Variants in SYTL2 observed in about 807,000 individuals in gnomAD.
SYTL2 encodes the protein synaptotagmin like 2, also known as synaptotagmin-like protein 2.
SYTL2 carries 165 observed loss-of-function variants against 198.7 expected under a neutral mutation model. That is an observed-to-expected ratio of 0.83 (90% confidence interval 0.73 to 0.94). SYTL2 has a LOEUF of 0.94. SYTL2 is among the 40% of genes least tolerant of loss of function. The probability of loss-of-function intolerance (pLI) is 0.00; values close to 1 mark genes in which losing one functional copy is unlikely to be tolerated. For missense variants in SYTL2, 2,835 were observed against 2,582.8 expected (o/e 1.10, Z -2.12); for synonymous variants, 966 against 917.7 (o/e 1.05, Z -0.95).
rs764030746 is a variant in SYTL2 at position 85,696,292 on chromosome 11, A to C, written c.6465T>G (p.Asp2155Glu). Residue 2155 changes from aspartate (D) to glutamate (E), a missense_variant, in exon 19 of 20, where the codon GAT (aspartate) becomes GAG (glutamate). Physicochemically the swap from Asp to Glu is conservative, Grantham distance 45. Around this residue, in one of 3 missense-constraint regions of SYTL2, gnomAD observed 185 missense variants for 182.1 expected, o/e 1.02. Coordinates refer to ENST00000359152, the MANE Select transcript of SYTL2 (RefSeq NM_206927.4). ...NPIFNHTMVY[D>E]GFRPEDLMEA... ...CCATCAGATCTTCAGGCCTGAACCC[A>C]TCATACACCATAGTGTGGTTGAAGA... is the stretch of plus-strand genomic sequence containing the variant. The C allele has an allele frequency of 6.2e-7, 1 of 1,614,044 alleles. No homozygotes were observed. The highest frequency in any genetic ancestry group is 8.5e-7 in the Non-Finnish European group (1 of 1,179,928).
chr11:85,791,319 C>T (rs2092728084), intron 1 of SYTL2, among the ~76,000 whole-genome samples: 1 of 152,092 alleles, frequency 6.6e-6, no homozygotes, highest in Non-Finnish European at 1.5e-5. Flanking sequence ...AGCCCTCACT[C>T]AGCTTTGCTG....
chr11:85,836,164 A>G, the SYTL2 span, among the ~76,000 whole-genome samples: 1 of 152,200 alleles, frequency 6.6e-6, no homozygotes, highest in African/African-American at 2.4e-5. Flanking sequence ...TGGTATTGGT[A>G]CCACTTTAAG....
intron 1 of SYTL2, among the ~76,000 whole-genome samples, chr11:85,795,098 G>A (rs948324833): frequency 6.6e-6 from 1 of 152,108 alleles, no homozygotes; most frequent in African/African-American, 2.4e-5. Flanking sequence ...AGGATTACAT[G>A]CACTTGTATG....
At chr11:85,793,327 G>C (rs999340420) in intron 1 of SYTL2, among the ~76,000 whole-genome samples, 1 of 152,134 alleles carries the variant, frequency 6.6e-6, no homozygotes, top group African/African-American at 2.4e-5. Context: ...CATTCTAACT[G>C]GTGTGAGATG....
the SYTL2 span, among the ~76,000 whole-genome samples, chr11:85,826,679 G>T: frequency 5.3e-5 from 8 of 152,228 alleles, no homozygotes; most frequent in Non-Finnish European, 1.0e-4. Context: ...GTCAGAGAGA[G>T]AGCTCTCACT....
At chr11:85,720,739 G>T in intron 9 of SYTL2, 119 bp downstream of exon 9, 1 of 647,824 alleles carries the variant, frequency 1.5e-6, no homozygotes. Context: ...ATTTTCATCT[G>T]TTAACTGCCC....
At chr11:85,768,120 C>A (rs1411611068) in intron 1 of SYTL2, among the ~76,000 whole-genome samples, 2 of 152,196 alleles carry the variant, frequency 1.3e-5, no homozygotes, top group African/African-American at 4.8e-5. Context: ...ACTTCACCTG[C>A]CTCAGCCTAG....
chr11:85,853,270 G>A, the SYTL2 span: 5 of 435,628 alleles, frequency 1.1e-5, no homozygotes, highest in Admixed American at 2.5e-5. Context: ...GCCGTGTCTT[G>A]AGTAGAAAAA....
chr11:85,752,073 C>T (rs1289756753), intron 2 of SYTL2, among the ~76,000 whole-genome samples: 2 of 152,180 alleles, frequency 1.3e-5, no homozygotes, highest in African/African-American at 2.4e-5. Flanking sequence ...TCCTTGTGCT[C>T]ACTTATGTAC....
chr11:85,695,386 G>T (rs766557151), intron 19 of SYTL2, 46 bp from the exon 20 acceptor site: 2 of 1,479,270 alleles, frequency 1.4e-6, no homozygotes, highest in Non-Finnish European at 1.8e-6. Flanking sequence ...GCTCATTGGG[G>T]GTAGGGGAAA....
chr11:85,770,336 C>T (rs1201491114), intron 1 of SYTL2, among the ~76,000 whole-genome samples: 1 of 152,140 alleles, frequency 6.6e-6, no homozygotes, highest in Non-Finnish European at 1.5e-5. Context: ...CCTTGTCTAC[C>T]ACTCATGTAG....
intron 15 of SYTL2, among the ~76,000 whole-genome samples, chr11:85,706,455 C>T (rs1463694567): frequency 6.6e-6 from 1 of 152,180 alleles, no homozygotes. Context: ...ATTACTGAGG[C>T]AGCAGACAGC....
rs1030133619 is a variant in SYTL2 at position 85,769,016 on chromosome 11, A to C, written c.-389-10902T>G. On this transcript the variant is annotated intron_variant, in intron 1 of 19. Coordinates refer to ENST00000359152, the MANE Select transcript of SYTL2 (RefSeq NM_206927.4). ...GGCGCCTCATTTATTGAGTAAATGA[A>C]GAAGAGGAAAAAAAAGATCATTAAG... Among the ~76,000 whole-genome samples, 4 of 152,214 alleles carry C rather than the reference A, an allele frequency of 2.6e-5. No individual in the cohort carries two copies. In the South Asian group the frequency reaches 8.3e-4, roughly 32 times the overall value.
At chr11:85,738,355 T>A (rs1471701170) in intron 4 of SYTL2, among the ~76,000 whole-genome samples, 1 of 152,182 alleles carries the variant, frequency 6.6e-6, no homozygotes, top group Non-Finnish European at 1.5e-5. Flanking sequence ...CTTCCTTTCA[T>A]TGTTCCAGAA....
chr11:85,718,527 T>TA, intron 10 of SYTL2: 1 of 432,384 alleles, frequency 2.3e-6, no homozygotes, highest in Non-Finnish European at 4.1e-6. Flanking sequence ...TCCAAAGAAA[T>TA]ACAATTTTCT....
chr11:85,718,274 A>G (rs1442783723), intron 10 of SYTL2: 1 of 166,462 alleles, frequency 6.0e-6, no homozygotes, highest in African/African-American at 2.4e-5. Context: ...TGGCTCCATT[A>G]TATTCAGAAT....
the SYTL2 span, among the ~76,000 whole-genome samples, chr11:85,842,350 G>A: frequency 7.9e-5 from 12 of 152,344 alleles, no homozygotes; most frequent in South Asian, 2.5e-3. Flanking sequence ...TGGGGCCGGG[G>A]AATCGATGCC....
chr11:85,749,703 A>C (rs2091396065), intron 2 of SYTL2, among the ~76,000 whole-genome samples: 1 of 152,196 alleles, frequency 6.6e-6, no homozygotes, highest in Non-Finnish European at 1.5e-5. Flanking sequence ...CATGGTTTTT[A>C]TTAAATGTTC....
At chr11:85,842,779 T>A in the SYTL2 span, among the ~76,000 whole-genome samples, 1 of 152,148 alleles carries the variant, frequency 6.6e-6, no homozygotes. Flanking sequence ...GGAATGGGTC[T>A]GTGGAAGAAT....
Sources: gnomAD v4.1 joint callset for allele counts (sites outside exome capture counted in the v4.1 genomes callset) on GRCh38, gnomAD v4.1.1 for gene constraint, gnomAD v4.1.1 regional missense constraint, MANE v1.5 for transcripts, NCBI Gene and HGNC (gene_info 2026-07-23, HGNC 2026-07-21) for gene names.